The following MECOM variants were observed in gnomAD, a reference collection of about 807,000 sequenced individuals.
The protein encoded by MECOM is MDS1 and EVI1 complex locus, also known as histone-lysine N-methyltransferase MECOM.
Under a neutral mutation model 116.3 loss-of-function variants are expected in MECOM, and 13 were observed. The ratio of observed to expected loss-of-function variants is 0.11; its 90% CI spans 0.07 to 0.18. The LOEUF is 0.18. MECOM is among the 10% of genes least tolerant of loss of function. MECOM has a pLI of 1.00. For missense variants in MECOM, 1,299 were observed against 1,509.0 expected, an observed-to-expected ratio of 0.86 and a Z score of 2.31; for synonymous variants, 528 against 535.2, an observed-to-expected ratio of 0.99 and a Z score of 0.19.
intron 2 of MECOM, among the ~76,000 whole-genome samples, chr3:169,173,133 T>C (rs1462930728): frequency 1.3e-5 from 2 of 152,160 alleles, no homozygotes; most frequent in South Asian, 2.1e-4. Flanking sequence ...ATAAAATATT[T>C]ATGAAAATTA....
intron 2 of MECOM, among the ~76,000 whole-genome samples, chr3:169,305,275 C>T (rs1468395100): frequency 2.0e-5 from 3 of 152,132 alleles, no homozygotes; most frequent in African/African-American, 4.8e-5. Flanking sequence ...GTTACTTGAG[C>T]TCACTGAGTG....
rs757273183 is a variant in MECOM, at chr3:169,454,265, T to C, written c.38-72741A>G. Among the ~76,000 whole-genome samples the C allele has an allele frequency of 3.3e-5, 5 of 152,252 alleles. No individual in the cohort carries two copies. In the South Asian group the frequency reaches 6.2e-4, roughly 19 times the overall value. On this transcript the variant is annotated intron_variant, in intron 1 of 16. Transcript: ENST00000651503. ...CCTTTACAAGAGTCTTGAGAACAGCTTCATAATTGAAATCCCTAATGGTTT... is the reference window on the plus strand; with the variant it reads ...CCTTTACAAGAGTCTTGAGAACAGCCTCATAATTGAAATCCCTAATGGTTT...
intron 1 of MECOM, among the ~76,000 whole-genome samples, chr3:169,395,501 A>G (rs905885180): frequency 6.6e-6 from 1 of 152,220 alleles, no homozygotes; most frequent in Admixed American, 6.5e-5. Flanking sequence ...TCATATGTGC[A>G]CACATAAACA....
chr3:169,512,956 A>G (rs891752937), intron 1 of MECOM, among the ~76,000 whole-genome samples: 4 of 152,232 alleles, frequency 2.6e-5, no homozygotes, highest in Admixed American at 1.3e-4. Context: ...CTGTACAAAA[A>G]TTAGTGCTTC....
intron 1 of MECOM, among the ~76,000 whole-genome samples, chr3:169,430,374 A>T (rs1741414620): frequency 6.6e-6 from 1 of 152,166 alleles, no homozygotes; most frequent in African/African-American, 2.4e-5. Flanking sequence ...ACTGGATGAC[A>T]TAGTACTACA....
At chr3:169,399,560 G>C (rs1454133574) in intron 1 of MECOM, among the ~76,000 whole-genome samples, 3 of 152,180 alleles carry the variant, frequency 2.0e-5, no homozygotes, top group African/African-American at 7.2e-5. Context: ...TTGCAAATGT[G>C]CCCCAGAAGT....
In MECOM at chr3:169,267,268, T is replaced by G. The variant is rs191168201; in HGVS notation, c.375+113919A>C. The stretch of plus-strand genomic sequence containing the variant: ...CTTTTAAATTTTAAGCCACTGTTTT[T>G]GGGGTCTCTGTTACTCACACAGACA... On this transcript the variant is annotated intron_variant, in intron 2 of 16. Coordinates refer to ENST00000651503, the MANE Select transcript of MECOM (RefSeq NM_004991.4). 8.9e-3 allele frequency among the ~76,000 whole-genome samples: 1,356 copies of G among 152,368 alleles called. 6 individuals carry two copies. The highest frequency in any genetic ancestry group is 0.02 in the Middle Eastern group (6 of 294).
At chr3:169,288,461 T>A (rs1163060480) in intron 2 of MECOM, among the ~76,000 whole-genome samples, 1 of 152,196 alleles carries the variant, frequency 6.6e-6, no homozygotes, top group Non-Finnish European at 1.5e-5. Context: ...AAATGGGCTT[T>A]TTGAATATAA....
intron 2 of MECOM, among the ~76,000 whole-genome samples, chr3:169,171,472 G>T (rs1360102931): frequency 6.6e-6 from 1 of 151,990 alleles, no homozygotes; most frequent in African/African-American, 2.4e-5. Flanking sequence ...AAATAAATTA[G>T]AAATATTGTT....
At chr3:169,509,483 C>G (rs893911024) in intron 1 of MECOM, among the ~76,000 whole-genome samples, 1 of 152,154 alleles carries the variant, frequency 6.6e-6, no homozygotes, top group Non-Finnish European at 1.5e-5. Flanking sequence ...AAACTCTGTA[C>G]CCAATAACTC....
At chr3:169,272,434 G>A (rs1759068546) in intron 2 of MECOM, among the ~76,000 whole-genome samples, 1 of 152,152 alleles carries the variant, frequency 6.6e-6, no homozygotes, top group South Asian at 2.1e-4. Context: ...CAAACTCAAT[G>A]TAGCTTTCTT....
intron 1 of MECOM, among the ~76,000 whole-genome samples, chr3:169,530,113 G>C (rs1444285920): frequency 6.6e-6 from 1 of 150,414 alleles, no homozygotes; most frequent in Non-Finnish European, 1.5e-5. Context: ...TAGCACTTAA[G>C]GCTATTCAAG....
At chr3:169,533,811 C>T (rs1758983805) in intron 1 of MECOM, among the ~76,000 whole-genome samples, 1 of 152,138 alleles carries the variant, frequency 6.6e-6, no homozygotes, top group Non-Finnish European at 1.5e-5. Flanking sequence ...AGGCTCCTCT[C>T]TCTCCAAGTC....
intron 2 of MECOM, among the ~76,000 whole-genome samples, chr3:169,268,759 C>A (rs1022135763): frequency 6.6e-6 from 1 of 152,208 alleles, no homozygotes; most frequent in African/African-American, 2.4e-5. Context: ...ATGTAGACGT[C>A]TTCCCTATAG....
intron 1 of MECOM, among the ~76,000 whole-genome samples, chr3:169,462,289 C>T (rs1248549435): frequency 6.6e-6 from 1 of 152,166 alleles, no homozygotes; most frequent in African/African-American, 2.4e-5. Flanking sequence ...ATTATTCTTA[C>T]ACCAAAAGAC....
intron 3 of MECOM, among the ~76,000 whole-genome samples, chr3:169,143,433 T>C (rs538658764): frequency 2.0e-5 from 3 of 152,240 alleles, no homozygotes; most frequent in African/African-American, 7.2e-5. Flanking sequence ...GTAATAATAC[T>C]CAGTTTTTAA....
intron 2 of MECOM, among the ~76,000 whole-genome samples, chr3:169,210,808 A>G (rs1750625831): frequency 6.6e-6 from 1 of 152,144 alleles, no homozygotes; most frequent in Non-Finnish European, 1.5e-5. Context: ...TGATTATTAT[A>G]GATTAATTTT....
chr3:169,403,358 C>T (rs1163620217), intron 1 of MECOM, among the ~76,000 whole-genome samples: 1 of 152,168 alleles, frequency 6.6e-6, no homozygotes, highest in Admixed American at 6.5e-5. Context: ...TATGGTTTAA[C>T]ATTATTTATG....
At chr3:169,147,723 T>C in intron 2 of MECOM, 1 of 979,166 alleles carries the variant, frequency 1.0e-6, no homozygotes, top group Non-Finnish European at 1.2e-6. Flanking sequence ...GTGGTGTGTG[T>C]GTGTGTGTGT....
Sources: gnomAD v4.1 joint callset for allele counts (sites outside exome capture counted in the v4.1 genomes callset) on GRCh38, gnomAD v4.1.1 for gene constraint, MANE v1.5 for transcripts, NCBI Gene and HGNC (gene_info 2026-07-23, HGNC 2026-07-21) for gene names.